PTPRM: variants seen among roughly 807,000 people sequenced by gnomAD.
The protein encoded by PTPRM is protein tyrosine phosphatase receptor type M, also known as receptor-type tyrosine-protein phosphatase mu.
Under a neutral mutation model 186.7 loss-of-function variants are expected in PTPRM, and 47 were observed. That is an observed-to-expected ratio of 0.25 (90% CI 0.20 to 0.32). PTPRM has a LOEUF of 0.32. Among genes scored for constraint, PTPRM ranks in the 10% least tolerant of loss-of-function variants. PTPRM has a pLI of 1.00. For missense variants in PTPRM, 1,494 were observed against 1,865.0 expected (o/e 0.80, Z 3.66); for synonymous variants, 668 against 674.9 (o/e 0.99, Z 0.16).
intron 14 of PTPRM, among the ~76,000 whole-genome samples, chr18:8,177,551 G>C (rs995133373): frequency 6.6e-6 from 1 of 152,170 alleles, no homozygotes; most frequent in Middle Eastern, 3.2e-3. Context: ...GCTAAGGCTT[G>C]TTATACTTGT....
rs752110255 is a variant in PTPRM at position 8,126,027 on chromosome 18, A to ATTTTTTTTTT, written c.2167+11204_2167+11205insTTTTTTTTTT. 2.9e-3 allele frequency among the ~76,000 whole-genome samples: 202 copies of ATTTTTTTTTT among 69,500 alleles called. 15 individuals are homozygous for ATTTTTTTTTT. Among genetic ancestry groups the ATTTTTTTTTT allele is most frequent in the Non-Finnish European group, 3.9e-3 (137 of 35,296 alleles). The allele number at this position is 69,500 out of a possible 152,430, so 45.6% of individuals were successfully genotyped here. ...TATATATATATATATATATATATAT[A>ATTTTTTTTTT]TTTTAAATCAGTAGACCTTTCCATT... On this transcript the variant is annotated intron_variant, in intron 13 of 32. Transcript: ENST00000580170.
chr18:7,784,368 T>C (rs527351546), intron 2 of PTPRM, among the ~76,000 whole-genome samples: 16 of 152,178 alleles, frequency 1.1e-4, no homozygotes, highest in Admixed American at 2.0e-4. Flanking sequence ...GCTCCAAGTA[T>C]GTCGCTCTCT....
intron 20 of PTPRM, among the ~76,000 whole-genome samples, chr18:8,299,608 A>G (rs2147905083): frequency 6.6e-6 from 1 of 151,262 alleles, no homozygotes; most frequent in African/African-American, 2.4e-5. Context: ...AAAAAAAAGG[A>G]AGATAATAAA....
At chr18:7,577,786 G>C (rs1426946113) in intron 1 of PTPRM, among the ~76,000 whole-genome samples, 1 of 152,134 alleles carries the variant, frequency 6.6e-6, no homozygotes, top group African/African-American at 2.4e-5. Context: ...GTGTGTGTGA[G>C]GGAGGTTCTC....
chr18:8,394,564 G>A lies in PTPRM; in HGVS notation c.4297G>A (p.Ala1433Thr), dbSNP rs368527318. The part of the protein sequence containing the change: ...RHQRTVDVFH[A>T]VKTLRNNKPN... ...CCAGAGAACCGTGGATGTCTTTCAC[G>A]CTGTGAAGACACTGAGGAACAACAA... Residue 1433 changes from alanine to threonine, a missense_variant, in exon 32 of 33, where the codon GCT becomes ACT. By Grantham distance (58) the Ala-to-Thr change is moderately conservative. Transcript: ENST00000580170. The A allele has an allele frequency of 7.4e-6, 12 of 1,613,634 alleles. No homozygotes were observed. The highest frequency in any genetic ancestry group is 4.5e-5 in the East Asian group (2 of 44,862).
intron 7 of PTPRM, among the ~76,000 whole-genome samples, chr18:8,064,759 T>C (rs1290194479): frequency 6.6e-6 from 1 of 152,214 alleles, no homozygotes; most frequent in African/African-American, 2.4e-5. Context: ...CTTTAACTAC[T>C]TCACCTAAAA....
intron 5 of PTPRM, among the ~76,000 whole-genome samples, chr18:7,931,281 A>G (rs1351747096): frequency 6.6e-6 from 1 of 152,152 alleles, no homozygotes; most frequent in East Asian, 1.9e-4. Context: ...TTGAGCCCAC[A>G]TTTTGAAAAT....
intron 9 of PTPRM, among the ~76,000 whole-genome samples, chr18:8,079,405 T>A (rs2090005508): frequency 6.6e-6 from 1 of 152,232 alleles, no homozygotes; most frequent in Non-Finnish European, 1.5e-5. Flanking sequence ...TCTGAAAGAA[T>A]ACTTGTAAGT....
At chr18:8,206,268 A>ATTTTTTTATTTTTTTTT (rs1238112461) in intron 14 of PTPRM, among the ~76,000 whole-genome samples, 1 of 148,988 alleles carries the variant, frequency 6.7e-6, no homozygotes, top group African/African-American at 2.6e-5. Context: ...ATTTTATTTT[A>ATTTTTTTATTTTTTTTT]TTTTGAGACG....
intron 2 of PTPRM, among the ~76,000 whole-genome samples, chr18:7,842,930 G>GTGTATATATATA (rs377182615): frequency 5.0e-5 from 5 of 100,934 alleles, no homozygotes; most frequent in South Asian, 3.4e-4. Context: ...GTGTGTGTGT[G>GTGTATATATATA]TATATATATA....
chr18:8,341,746 T>C (rs2095476302), intron 22 of PTPRM, among the ~76,000 whole-genome samples: 1 of 151,636 alleles, frequency 6.6e-6, no homozygotes, highest in South Asian at 2.1e-4. Flanking sequence ...TCACTGCTTC[T>C]TTTTCCCCTT....
intron 19 of PTPRM, among the ~76,000 whole-genome samples, chr18:8,288,553 T>C (rs1364626697): frequency 1.3e-5 from 2 of 152,236 alleles, no homozygotes; most frequent in South Asian, 4.1e-4. Flanking sequence ...AGCCACCTTA[T>C]TCTGCGTCAG....
chr18:7,798,563 T>C (rs1191927286), intron 2 of PTPRM, among the ~76,000 whole-genome samples: 1 of 152,022 alleles, frequency 6.6e-6, no homozygotes, highest in Non-Finnish European at 1.5e-5. Flanking sequence ...AAATTTTGTG[T>C]GTATTTTATC....
chr18:7,779,099 A>G (rs1304820844), intron 2 of PTPRM, among the ~76,000 whole-genome samples: 3 of 152,202 alleles, frequency 2.0e-5, no homozygotes, highest in Non-Finnish European at 2.9e-5. Context: ...TTCATCTACA[A>G]TATTAAAAAT....
intron 14 of PTPRM, among the ~76,000 whole-genome samples, chr18:8,161,113 A>C (rs1332805327): frequency 2.0e-5 from 3 of 152,182 alleles, no homozygotes; most frequent in Non-Finnish European, 4.4e-5. Context: ...AAATCTCAGA[A>C]ATATATTAAG....
In PTPRM at chr18:7,652,930, G is replaced by T. The variant is rs1035501767; in HGVS notation, c.73+85039G>T. On this transcript the variant is annotated intron_variant, in intron 1 of 32. Coordinates refer to ENST00000580170, the MANE Select transcript of PTPRM (RefSeq NM_001105244.2). ...CTACTACTACTACTAATAAAAAAGGGTTCATGCCCCAAATATACGATTCTT... is the reference window on the plus strand; with the variant it reads ...CTACTACTACTACTAATAAAAAAGGTTTCATGCCCCAAATATACGATTCTT... Among the ~76,000 whole-genome samples the T allele has an allele frequency of 6.6e-5, 10 of 151,748 alleles. 1 individual carries two copies. Among genetic ancestry groups the T allele is most frequent in the Admixed American group, 2.0e-4 (3 of 15,226 alleles).
intron 14 of PTPRM, among the ~76,000 whole-genome samples, chr18:8,153,200 T>C (rs1490372956): frequency 6.6e-6 from 1 of 152,214 alleles, no homozygotes; most frequent in Non-Finnish European, 1.5e-5. Flanking sequence ...ATTCCGGGAA[T>C]ATGGTGGATA....
chr18:7,890,526 T>C (rs1395906796), intron 3 of PTPRM, among the ~76,000 whole-genome samples: 1 of 152,180 alleles, frequency 6.6e-6, no homozygotes, highest in Non-Finnish European at 1.5e-5. Context: ...TGTTTTTTTT[T>C]AATGGAAATG....
At position 7,842,947 on chromosome 18, in the gene PTPRM, T is replaced by TATATATATATAGAG. The variant is rs370746043; in HGVS notation, c.197-45158_197-45157insTATATATATAGAGA. Among the ~76,000 whole-genome samples, 171 of 112,102 alleles carry TATATATATATAGAG rather than the reference T, an allele frequency of 1.5e-3. 3 individuals carry two copies. Among genetic ancestry groups the TATATATATATAGAG allele is most frequent in the African/African-American group, 4.8e-3 (114 of 23,786 alleles). 73.5% of individuals were successfully genotyped at this position (112,102 alleles called of 152,430 possible). A position where few individuals can be genotyped will look rare whatever the true frequency, so the allele number is the denominator to read the frequency against. Reference sequence around the variant, plus strand: ...GTGTGTGTGTATATATATATATATATAGAGAGAGAGAGAGAGAGAGAGAGA... The same window carrying TATATATATATAGAG: ...GTGTGTGTGTATATATATATATATATATATATATATAGAGAGAGAGAGAGAGAGAGAGAGAGAGA... On this transcript the variant is annotated intron_variant, in intron 2 of 32. Coordinates refer to ENST00000580170, the MANE Select transcript of PTPRM (RefSeq NM_001105244.2).
Sources: gnomAD v4.1 joint callset for allele counts (sites outside exome capture counted in the v4.1 genomes callset) on GRCh38, gnomAD v4.1.1 for gene constraint, MANE v1.5 for transcripts, NCBI Gene and HGNC (gene_info 2026-07-23, HGNC 2026-07-21) for gene names.